The following TULP4 variants were observed in gnomAD, a reference collection of about 807,000 sequenced individuals.
TULP4 encodes the protein tubby-related protein 4.
A neutral mutation model predicts 129.0 loss-of-function variants in TULP4; 16 were observed. The ratio of observed to expected loss-of-function variants is 0.12; its 90% CI spans 0.08 to 0.19. TULP4 has a LOEUF of 0.19. Among genes scored for constraint, TULP4 ranks in the 10% least tolerant of loss-of-function variants. The pLI, the probability that TULP4 is intolerant of heterozygous loss-of-function variation, is 1.00. For missense variants in TULP4, 1,842 were observed against 2,059.1 expected (o/e 0.89, Z 2.04); for synonymous variants, 998 against 854.0 (o/e 1.17, Z -2.94).
chr6:158,454,018 A>ACTC (rs373934513), intron 5 of TULP4, among the ~76,000 whole-genome samples: 29,709 of 111,698 alleles, frequency 0.27, 5,510 homozygotes, highest in African/African-American at 0.42. Context: ...CTGCCTCTGC[A>ACTC]CCGCCCCCCC....
chr6:158,402,001 T>G (rs1417167920), intron 1 of TULP4, among the ~76,000 whole-genome samples: 1 of 152,136 alleles, frequency 6.6e-6, no homozygotes, highest in Non-Finnish European at 1.5e-5. Context: ...GCTGGAAAGG[T>G]CTTAGACAAA....
intron 1 of TULP4, among the ~76,000 whole-genome samples, chr6:158,359,155 CT>C (rs1780711096): frequency 6.6e-6 from 1 of 152,166 alleles, no homozygotes; most frequent in Non-Finnish European, 1.5e-5. Context: ...CCACCCTCCC[CT>C]CTTCCTCTTA....
intron 1 of TULP4, among the ~76,000 whole-genome samples, chr6:158,342,321 T>C (rs1438179947): frequency 1.3e-5 from 2 of 152,254 alleles, no homozygotes; most frequent in Non-Finnish European, 2.9e-5. Context: ...AAAGCATGTT[T>C]AAGAACTTGC....
intron 1 of TULP4, among the ~76,000 whole-genome samples, chr6:158,288,272 C>G (rs937920083): frequency 6.6e-5 from 10 of 152,062 alleles, no homozygotes; most frequent in Admixed American, 4.6e-4. Context: ...TCCAATCTTC[C>G]TATACCTTAT....
intron 1 of TULP4, among the ~76,000 whole-genome samples, chr6:158,319,477 C>T (rs1269130680): frequency 6.6e-6 from 1 of 152,234 alleles, no homozygotes; most frequent in African/African-American, 2.4e-5. Context: ...TCCCCACCGG[C>T]CATCCCTTAA....
chr6:158,332,759 G>A (rs893555621), intron 1 of TULP4, among the ~76,000 whole-genome samples: 1 of 152,156 alleles, frequency 6.6e-6, no homozygotes, highest in African/African-American at 2.4e-5. Flanking sequence ...ACTCTGAAGA[G>A]CCCTGGAAGT....
Position 158,327,920 on chromosome 6 carries a change from T to C in TULP4, c.252+13652T>C, listed in dbSNP as rs558965350. 2.6e-5 allele frequency among the ~76,000 whole-genome samples: 4 copies of C among 152,332 alleles called. No homozygotes were observed. The South Asian group carries it at 6.2e-4, about 24-fold the overall frequency. On this transcript the variant is annotated intron_variant, in intron 1 of 13. Transcript: ENST00000367097. ...GGGGTGTTTAGCTGGTGAGCTTTAT[T>C]GTATTATATAATGACCTGGGGGAGA...
chr6:158,502,363 G>A lies in TULP4; in HGVS notation c.2700G>A (p.Val900=). 1 of 1,613,820 alleles carries A rather than the reference G, an allele frequency of 6.2e-7. No homozygotes were observed. The highest frequency in any genetic ancestry group is 8.5e-7 in the Non-Finnish European group (1 of 1,179,962). The change falls in exon 13 of 14, where the codon GTG becomes GTA. Residue 900 remains valine (V), a synonymous_variant. Coordinates refer to ENST00000367097, the MANE Select transcript of TULP4 (RefSeq NM_020245.5). ...ACAGCAGTGGCAACGTGGAGGAGGTGTGCCGGCCCCGCACCCGGATGCTGT... is the reference window on the plus strand; with the variant it reads ...ACAGCAGTGGCAACGTGGAGGAGGTATGCCGGCCCCGCACCCGGATGCTGT... ...TFDSSGNVEE[V]CRPRTRMLCS...
chr6:158,412,932 TCC>T, intron 1 of TULP4, 131 bp from the exon 2 acceptor site: 1 of 1,283,706 alleles, frequency 7.8e-7, no homozygotes, highest in Non-Finnish European at 1.0e-6. Flanking sequence ...CCTGCCCTGA[TCC>T]CTGCATTCGC....
At chr6:158,350,997 A>G (rs1583783871) in intron 1 of TULP4, among the ~76,000 whole-genome samples, 1 of 152,048 alleles carries the variant, frequency 6.6e-6, no homozygotes, top group African/African-American at 2.4e-5. Context: ...CAGGCAGTTC[A>G]CCTGCCTCGG....
chr6:158,317,949 A>G (rs1195894924), intron 1 of TULP4, among the ~76,000 whole-genome samples: 1 of 152,210 alleles, frequency 6.6e-6, no homozygotes. Context: ...GGCTGCATAA[A>G]TGTCCCCTTT....
At chr6:158,242,207 G>C in intron 1 of TULP4, 1 of 1,436,870 alleles carries the variant, frequency 7.0e-7, no homozygotes, top group Non-Finnish European at 9.7e-7. Context: ...AATGAATGGT[G>C]GCAAAGACCT....
upstream of TULP4, among the ~76,000 whole-genome samples, chr6:158,307,615 G>A (rs1779239524): frequency 6.6e-6 from 1 of 152,154 alleles, no homozygotes; most frequent in African/African-American, 2.4e-5. Flanking sequence ...CTGAGTAGCT[G>A]GGACTACGGG....
At chr6:158,418,495 A>G (rs1379268098) in intron 2 of TULP4, among the ~76,000 whole-genome samples, 4 of 151,522 alleles carry the variant, frequency 2.6e-5, no homozygotes, top group Non-Finnish European at 5.9e-5. Context: ...ATGTTGACCT[A>G]ATAAACCCAA....
chr6:158,503,686 G>A lies in TULP4; in HGVS notation c.4023G>A (p.Leu1341=). The A allele has an allele frequency of 6.2e-7, 1 of 1,614,036 alleles. No individual in the cohort carries two copies. Among genetic ancestry groups the A allele is most frequent in the Non-Finnish European group, 8.5e-7 (1 of 1,180,018 alleles). ...TTGGAAAGAAGAACCGGAAGCGCCT[G>A]GACAGCCGAGCAGAAGAAGGCAGCG... ...EKFGKKNRKR[L]DSRAEEGSVQ... The change falls in exon 13 of 14, where the codon CTG becomes CTA. Residue 1341 remains leucine (L), a synonymous_variant. Coordinates refer to ENST00000367097, the MANE Select transcript of TULP4 (RefSeq NM_020245.5). This position sits in a 1 kb window ranked among gnomAD's most constrained non-coding sequence, Gnocchi z 4.3.
At chr6:158,360,394 C>T (rs1428587441) in intron 1 of TULP4, among the ~76,000 whole-genome samples, 1 of 152,046 alleles carries the variant, frequency 6.6e-6, no homozygotes, top group African/African-American at 2.4e-5. Flanking sequence ...TTGGCAGCCT[C>T]GAGTGCACAT....
At chr6:158,434,831 A>G (rs988755359) in intron 3 of TULP4, among the ~76,000 whole-genome samples, 5 of 152,214 alleles carry the variant, frequency 3.3e-5, no homozygotes, top group African/African-American at 4.8e-5. Flanking sequence ...AGGAAAGGTC[A>G]AAAGAAGAGC....
intron 1 of TULP4, among the ~76,000 whole-genome samples, chr6:158,377,734 A>G (rs190986648): frequency 1.3e-5 from 2 of 152,290 alleles, no homozygotes; most frequent in African/African-American, 2.4e-5. Flanking sequence ...ACCACGTACT[A>G]GGACTTTTTT....
chr6:158,416,336 C>T (rs1778207503), intron 2 of TULP4, among the ~76,000 whole-genome samples: 1 of 152,190 alleles, frequency 6.6e-6, no homozygotes, highest in African/African-American at 2.4e-5. Flanking sequence ...AACGATCACA[C>T]CCCTGAAGAC....
Sources: gnomAD v4.1 joint callset for allele counts (sites outside exome capture counted in the v4.1 genomes callset) on GRCh38, gnomAD v4.1.1 for gene constraint, Gnocchi (gnomAD v3.1) non-coding constraint, MANE v1.5 for transcripts, NCBI Gene and HGNC (gene_info 2026-07-23, HGNC 2026-07-21) for gene names.